GPM6A: variants seen among roughly 807,000 people sequenced by gnomAD.
GPM6A encodes the protein glycoprotein M6A.
GPM6A carries 7 observed loss-of-function variants against 32.1 expected under a neutral mutation model. The observed-to-expected ratio is 0.22, with a 90% CI of 0.12 to 0.41. The LOEUF is 0.41. Ranked by LOEUF, GPM6A falls within the 10% of genes least tolerant of loss-of-function variation. The probability of loss-of-function intolerance (pLI) is 1.00; values close to 1 mark genes in which losing one functional copy is unlikely to be tolerated. For missense variants in GPM6A, 235 were observed against 347.2 expected (o/e 0.68, Z 2.57); for synonymous variants, 130 against 123.4 (o/e 1.05, Z -0.35).
intron 1 of GPM6A, among the ~76,000 whole-genome samples, chr4:175,991,468 T>C (rs1194393401): frequency 1.3e-5 from 2 of 152,126 alleles, no homozygotes; most frequent in East Asian, 3.9e-4. Context: ...TCTATGAATA[T>C]TTATCCTTTT....
At chr4:175,637,346 TAAAA>T (rs1228450679) in intron 6 of GPM6A, among the ~76,000 whole-genome samples, 2,134 of 52,304 alleles carry the variant, frequency 0.041, 194 homozygotes, top group African/African-American at 0.14. Context: ...ATATATTATA[TAAAA>T]ATATATAATA....
intron 1 of GPM6A, among the ~76,000 whole-genome samples, chr4:175,792,795 T>C (rs1035586639): frequency 2.0e-5 from 3 of 152,204 alleles, no homozygotes; most frequent in African/African-American, 4.8e-5. Context: ...GGGATTCTCA[T>C]GTTATTGTAT....
chr4:175,635,746 T>A (rs1740539873), intron 6 of GPM6A, among the ~76,000 whole-genome samples: 1 of 152,104 alleles, frequency 6.6e-6, no homozygotes, highest in African/African-American at 2.4e-5. Flanking sequence ...TACCCAGCAA[T>A]GAGACCGCTT....
chr4:175,688,498 T>C (rs964225855), intron 2 of GPM6A, among the ~76,000 whole-genome samples: 1 of 152,202 alleles, frequency 6.6e-6, no homozygotes, highest in African/African-American at 2.4e-5. Flanking sequence ...TCGGTGATAG[T>C]ATATGCTTGA....
At chr4:175,723,667 T>C (rs2111122020) in intron 1 of GPM6A, among the ~76,000 whole-genome samples, 1 of 152,220 alleles carries the variant, frequency 6.6e-6, no homozygotes, top group South Asian at 2.1e-4. Flanking sequence ...AATGTTCATC[T>C]TACAGCCTTG....
At chr4:175,921,168 G>A (rs973877149) in intron 1 of GPM6A, among the ~76,000 whole-genome samples, 1 of 151,858 alleles carries the variant, frequency 6.6e-6, no homozygotes, top group Admixed American at 6.6e-5. Flanking sequence ...AATCTTTATA[G>A]TGTCAACTTA....
chr4:175,981,515 T>C (rs551334555), intron 1 of GPM6A, among the ~76,000 whole-genome samples: 79 of 152,316 alleles, frequency 5.2e-4, no homozygotes, highest in African/African-American at 1.8e-3. Flanking sequence ...TCTGGCTTCT[T>C]TCACTGAGCA....
intron 1 of GPM6A, among the ~76,000 whole-genome samples, chr4:175,740,788 A>G (rs993702395): frequency 2.0e-5 from 3 of 152,096 alleles, no homozygotes; most frequent in Non-Finnish European, 4.4e-5. Flanking sequence ...TGTAAAGAGC[A>G]TCTAAGATAA....
At chr4:175,911,234 T>C (rs1380073555) in intron 1 of GPM6A, among the ~76,000 whole-genome samples, 1 of 152,128 alleles carries the variant, frequency 6.6e-6, no homozygotes, top group African/African-American at 2.4e-5. Flanking sequence ...AAAAGGTTTA[T>C]TACCAGTTTT....
At chr4:175,924,874 A>G (rs1467657771) in intron 1 of GPM6A, among the ~76,000 whole-genome samples, 1 of 151,796 alleles carries the variant, frequency 6.6e-6, no homozygotes, top group African/African-American at 2.4e-5. Context: ...GAAGTCTGAA[A>G]TACTTGTGCT....
At chr4:175,705,833 T>G (rs1470173334) in intron 1 of GPM6A, among the ~76,000 whole-genome samples, 1 of 152,006 alleles carries the variant, frequency 6.6e-6, no homozygotes, top group Non-Finnish European at 1.5e-5. Context: ...CTTGAGAAAC[T>G]CTCCAGTAAA....
intron 1 of GPM6A, among the ~76,000 whole-genome samples, chr4:175,833,748 A>G (rs1560956643): frequency 6.6e-6 from 1 of 152,028 alleles, no homozygotes; most frequent in Non-Finnish European, 1.5e-5. Flanking sequence ...CTGCCTAACC[A>G]CCAGTCACAA....
Position 175,736,808 on chromosome 4 carries a change from A to C in GPM6A, c.38-35041T>G, listed in dbSNP as rs79490776. Reference sequence around the variant, plus strand: ...CACCATGTTTTGGTCACCAAGAGACAGCATATATGACTGTGGATCGGTAAG... The same window carrying C: ...CACCATGTTTTGGTCACCAAGAGACCGCATATATGACTGTGGATCGGTAAG... On this transcript the variant is annotated intron_variant, in intron 1 of 6. Coordinates refer to ENST00000393658, the MANE Select transcript of GPM6A (RefSeq NM_201591.3). Among the ~76,000 whole-genome samples the C allele has an allele frequency of 1.0e-2, 1,519 of 152,354 alleles. 23 individuals are homozygous for C. The highest frequency in any genetic ancestry group is 0.034 in the African/African-American group (1,428 of 41,588).
chr4:175,802,057 T>G (rs1027771215), intron 1 of GPM6A, among the ~76,000 whole-genome samples: 1 of 152,050 alleles, frequency 6.6e-6, no homozygotes, highest in African/African-American at 2.4e-5. Flanking sequence ...TAAACAGTGT[T>G]GTAGAGATCA....
chr4:175,709,604 T>A (rs77812674), intron 1 of GPM6A, among the ~76,000 whole-genome samples: 4 of 151,720 alleles, frequency 2.6e-5, no homozygotes, highest in South Asian at 4.2e-4. Context: ...GGCGCTCACT[T>A]GTAATCCCAG....
At chr4:175,885,763 T>C (rs1737431585) in intron 1 of GPM6A, among the ~76,000 whole-genome samples, 1 of 152,218 alleles carries the variant, frequency 6.6e-6, no homozygotes, top group African/African-American at 2.4e-5. Flanking sequence ...ATTCTAGTCT[T>C]AATCGGGGTG....
At chr4:175,644,814 T>C (rs1205589957) in intron 4 of GPM6A, among the ~76,000 whole-genome samples, 1 of 152,164 alleles carries the variant, frequency 6.6e-6, no homozygotes, top group African/African-American at 2.4e-5. Context: ...AGGCAAGTTA[T>C]AAGCAAGGGA....
intron 1 of GPM6A, among the ~76,000 whole-genome samples, chr4:175,840,346 C>A (rs548247715): frequency 4.6e-5 from 7 of 152,272 alleles, no homozygotes; most frequent in African/African-American, 1.4e-4. Context: ...CATATTGAAT[C>A]TCTTTGCATG....
At chr4:175,718,934 A>G (rs73004350) in intron 1 of GPM6A, among the ~76,000 whole-genome samples, 109 of 152,298 alleles carry the variant, frequency 7.2e-4, no homozygotes, top group African/African-American at 2.4e-3. Flanking sequence ...GTGAAAGAAA[A>G]ATTAGAAATT....
Sources: allele counts gnomAD v4.1 joint callset (sites outside exome capture counted in the v4.1 genomes callset), GRCh38; gene constraint gnomAD v4.1.1; transcripts MANE v1.5; gene names NCBI Gene and HGNC (gene_info 2026-07-23, HGNC 2026-07-21).